The following CDC14A variants were observed in gnomAD, a reference collection of about 807,000 sequenced individuals.
CDC14A encodes the protein cell division cycle 14A, also known as dual specificity protein phosphatase CDC14A.
Under a neutral mutation model 74.4 loss-of-function variants are expected in CDC14A, and 53 were observed. The ratio of observed to expected loss-of-function variants is 0.71; its 90% CI spans 0.57 to 0.89. The LOEUF (loss-of-function observed/expected upper bound fraction) is 0.89, where lower values mean the gene tolerates loss of function less well. Ranked by LOEUF, CDC14A falls within the 40% of genes least tolerant of loss-of-function variation. The probability of loss-of-function intolerance (pLI) is 0.00; values close to 1 mark genes in which losing one functional copy is unlikely to be tolerated. For missense variants in CDC14A, 646 were observed against 713.7 expected (o/e 0.91, Z 1.08); for synonymous variants, 247 against 258.4 (o/e 0.96, Z 0.43).
chr1:100,507,005 G>T (rs374367775), intron 15 of CDC14A, among the ~76,000 whole-genome samples: 1 of 152,076 alleles, frequency 6.6e-6, no homozygotes, highest in Non-Finnish European at 1.5e-5. Context: ...GAGAGAACCC[G>T]TATCTTAAAA....
intron 11 of CDC14A, among the ~76,000 whole-genome samples, chr1:100,485,575 A>G (rs773053420): frequency 6.6e-6 from 1 of 152,162 alleles, no homozygotes; most frequent in African/African-American, 2.4e-5. Context: ...AAAGTAAAAA[A>G]GAAAAAAAGA....
intron 5 of CDC14A, among the ~76,000 whole-genome samples, chr1:100,425,446 T>A (rs1178861776): frequency 1.3e-5 from 2 of 152,196 alleles, no homozygotes; most frequent in Non-Finnish European, 2.9e-5. Context: ...TGCCTTATAC[T>A]TAAAAGCACT....
chr1:100,389,830 G>T (rs1318099459), intron 3 of CDC14A, among the ~76,000 whole-genome samples: 1 of 151,858 alleles, frequency 6.6e-6, no homozygotes, highest in Admixed American at 6.6e-5. Context: ...TTTTTTGCTA[G>T]CTCATTAAAG....
chr1:100,406,984 A>G (rs1000613654), intron 4 of CDC14A, among the ~76,000 whole-genome samples: 8 of 149,178 alleles, frequency 5.4e-5, no homozygotes, highest in African/African-American at 1.7e-4. Context: ...TGCTTTTTTC[A>G]GGTTTGTTGA....
At chr1:100,365,797 C>A (rs1407365325) in intron 2 of CDC14A, among the ~76,000 whole-genome samples, 2 of 152,116 alleles carry the variant, frequency 1.3e-5, no homozygotes, top group African/African-American at 2.4e-5. Flanking sequence ...AAAATGTGAT[C>A]ATTATGAGTT....
chr1:100,473,544 G>A (rs996168909), intron 10 of CDC14A, among the ~76,000 whole-genome samples: 7 of 151,876 alleles, frequency 4.6e-5, no homozygotes, highest in Non-Finnish European at 1.0e-4. Context: ...GTGCCACCAC[G>A]CCCGGCTAAT....
intron 2 of CDC14A, among the ~76,000 whole-genome samples, chr1:100,358,741 T>G (rs1652265756): frequency 6.6e-6 from 1 of 152,160 alleles, no homozygotes. Context: ...ATCCAGGAAG[T>G]TTTGGATAAG....
At chr1:100,360,482 T>A (rs1234600351) in intron 2 of CDC14A, among the ~76,000 whole-genome samples, 1 of 152,068 alleles carries the variant, frequency 6.6e-6, no homozygotes, top group Non-Finnish European at 1.5e-5. Context: ...TAGCTGGGAT[T>A]ATGGGTGCAT....
intron 15 of CDC14A, among the ~76,000 whole-genome samples, chr1:100,502,498 T>C (rs906908676): frequency 1.3e-5 from 2 of 152,248 alleles, no homozygotes; most frequent in African/African-American, 4.8e-5. Flanking sequence ...CATCTAGGTT[T>C]GTATAAGTGC....
At chr1:100,420,025 C>CAT (rs201774531) in intron 4 of CDC14A, among the ~76,000 whole-genome samples, 8,090 of 65,270 alleles carry the variant, frequency 0.12, 581 homozygotes, top group East Asian at 0.21. Context: ...TATATATATA[C>CAT]ATATATACAC....
chr1:100,362,689 C>T (rs1358598696), intron 2 of CDC14A, among the ~76,000 whole-genome samples: 2 of 152,104 alleles, frequency 1.3e-5, no homozygotes, highest in Non-Finnish European at 2.9e-5. Flanking sequence ...TTTTAATCAA[C>T]GAAATACTTC....
At chr1:100,382,390 A>ATTTTTTTTTT (rs59014809) in intron 3 of CDC14A, among the ~76,000 whole-genome samples, 1 of 115,286 alleles carries the variant, frequency 8.7e-6, no homozygotes, top group African/African-American at 3.2e-5. Flanking sequence ...CCAGCTAACT[A>ATTTTTTTTTT]TTTTTTTTTT....
intron 2 of CDC14A, among the ~76,000 whole-genome samples, chr1:100,367,026 G>A (rs1414852263): frequency 6.6e-6 from 1 of 152,200 alleles, no homozygotes; most frequent in Non-Finnish European, 1.5e-5. Context: ...ACAAAGTGGG[G>A]ACCCGTGCTT....
chr1:100,491,548 C>CTCTATATATATATA (rs1223420176), intron 11 of CDC14A, among the ~76,000 whole-genome samples: 1 of 38,760 alleles, frequency 2.6e-5, no homozygotes, highest in Admixed American at 4.2e-4. Flanking sequence ...CTCTCTCTCT[C>CTCTATATATATATA]TATATATATA....
chr1:100,369,979 TA>T (rs199913100), intron 2 of CDC14A, among the ~76,000 whole-genome samples: 153 of 149,982 alleles, frequency 1.0e-3, no homozygotes, highest in African/African-American at 3.1e-3. Context: ...CCTGGCTAAT[TA>T]AAAAAAAAAA....
chr1:100,391,308 A>G (rs993434709), intron 4 of CDC14A, among the ~76,000 whole-genome samples: 1 of 147,248 alleles, frequency 6.8e-6, no homozygotes, highest in African/African-American at 2.7e-5. Context: ...CAAACTGAAT[A>G]TAAATCCTGC....
chr1:100,402,512 G>A (rs766703284), intron 4 of CDC14A, among the ~76,000 whole-genome samples: 2 of 151,724 alleles, frequency 1.3e-5, no homozygotes, highest in Admixed American at 1.3e-4. Context: ...TGTGTTTACT[G>A]TTTTCTTTTA....
At chr1:100,439,733 C>G (rs1422694765) in intron 5 of CDC14A, among the ~76,000 whole-genome samples, 199 bp from the exon 6 acceptor site, 1 of 152,152 alleles carries the variant, frequency 6.6e-6, no homozygotes, top group Non-Finnish European at 1.5e-5. Flanking sequence ...TTAAATCAGC[C>G]TCTTGGATTA....
intron 4 of CDC14A, among the ~76,000 whole-genome samples, chr1:100,404,714 C>T (rs1224403829): frequency 6.6e-6 from 1 of 152,076 alleles, no homozygotes; most frequent in Non-Finnish European, 1.5e-5. Flanking sequence ...CCTGTATTCC[C>T]AGCTACTCGG....
Sources: gnomAD v4.1 joint callset for allele counts (sites outside exome capture counted in the v4.1 genomes callset) on GRCh38, gnomAD v4.1.1 for gene constraint, MANE v1.5 for transcripts, NCBI Gene and HGNC (gene_info 2026-07-23, HGNC 2026-07-21) for gene names.